The following CSMD1 variants were observed in gnomAD, a reference collection of about 807,000 sequenced individuals.
CSMD1 encodes the protein CUB and Sushi multiple domains 1, also known as CUB and sushi domain-containing protein 1.
A neutral mutation model predicts 417.5 loss-of-function variants in CSMD1; 213 were observed. The ratio of observed to expected loss-of-function variants is 0.51; its 90% CI spans 0.46 to 0.57. The LOEUF is 0.57. Among genes scored for constraint, CSMD1 ranks in the 20% least tolerant of loss-of-function variants. The probability of loss-of-function intolerance (pLI) is 0.00; values close to 1 mark genes in which losing one functional copy is unlikely to be tolerated. For missense variants in CSMD1, 6,923 were observed against 4,529.7 expected (o/e 1.53, Z -15.17); for synonymous variants, 2,862 against 1,736.8 (o/e 1.65, Z -16.11).
At chr8:3,816,762 G>A (rs182153076) in intron 5 of CSMD1, among the ~76,000 whole-genome samples, 1 of 152,118 alleles carries the variant, frequency 6.6e-6, no homozygotes, top group East Asian at 1.9e-4. Flanking sequence ...CATACCTAAT[G>A]TGTGTCAATA....
chr8:4,297,080 G>C (rs781019074), intron 3 of CSMD1, among the ~76,000 whole-genome samples: 3 of 14,582 alleles, frequency 2.1e-4, no homozygotes, highest in African/African-American at 5.0e-4. Flanking sequence ...ATAGGTTGAA[G>C]AGCTTGGGGA....
intron 5 of CSMD1, among the ~76,000 whole-genome samples, chr8:3,774,257 T>C (rs375265494): frequency 1.3e-5 from 2 of 152,290 alleles, no homozygotes; most frequent in East Asian, 3.9e-4. Context: ...CTGTAAATTC[T>C]TACAGATTGC....
intron 10 of CSMD1, among the ~76,000 whole-genome samples, chr8:3,527,444 TAC>T (rs1797799041): frequency 6.6e-6 from 1 of 152,160 alleles, no homozygotes; most frequent in South Asian, 2.1e-4. Flanking sequence ...TGCTAAAGAT[TAC>T]AGTCTGTGTG....
intron 7 of CSMD1, among the ~76,000 whole-genome samples, chr8:3,625,919 G>C (rs1349749107): frequency 6.6e-5 from 10 of 152,136 alleles, no homozygotes; most frequent in African/African-American, 1.2e-4. Context: ...AGCAGTAAAT[G>C]TTCAAAGAGA....
At chr8:3,239,812 G>C (rs1446030365) in intron 26 of CSMD1, among the ~76,000 whole-genome samples, 13 of 152,256 alleles carry the variant, frequency 8.5e-5, no homozygotes, top group Non-Finnish European at 2.9e-5. Context: ...ATGGGGAAAT[G>C]GGGTGAATGT....
chr8:4,339,966 G>C (rs1800384476), intron 3 of CSMD1, among the ~76,000 whole-genome samples: 2 of 152,202 alleles, frequency 1.3e-5, no homozygotes, highest in South Asian at 4.1e-4. Context: ...TGGAGGTTCA[G>C]TGAGCGGTGA....
chr8:3,033,899 G>T (rs192087561), intron 50 of CSMD1, among the ~76,000 whole-genome samples: 4 of 152,348 alleles, frequency 2.6e-5, no homozygotes, highest in African/African-American at 9.6e-5. Context: ...CTCAACTCAA[G>T]AGGATGTGGT....
chr8:3,808,205 G>C (rs1047917438), intron 5 of CSMD1, among the ~76,000 whole-genome samples: 3 of 152,108 alleles, frequency 2.0e-5, no homozygotes, highest in Non-Finnish European at 2.9e-5. Flanking sequence ...AAAAACATCT[G>C]TGATCTAAAA....
At chr8:4,710,267 T>C (rs192817542) in intron 1 of CSMD1, among the ~76,000 whole-genome samples, 1 of 151,988 alleles carries the variant, frequency 6.6e-6, no homozygotes, top group Admixed American at 6.6e-5. Flanking sequence ...ACACATTTTA[T>C]ATACATTTGC....
rs1208308518 is a variant in CSMD1 at position 3,148,747 on chromosome 8, GCAT to G, written c.6031+2647_6031+2649del. ...GCCCTAGAAAGAACTCCTACCAGGG[GCAT>G]CATAATTCCAAATGTTGACCACGTT... is the stretch of plus-strand genomic sequence containing the variant. On this transcript the variant is annotated intron_variant, in intron 40 of 69. Transcript: ENST00000635120. Among the ~76,000 whole-genome samples, 8 of 152,282 alleles carry G rather than the reference GCAT, an allele frequency of 5.3e-5. No individual in the cohort carries two copies. The East Asian group carries it at 1.5e-3, about 29-fold the overall frequency.
chr8:4,993,679 G>C (rs1460040680), intron 1 of CSMD1, among the ~76,000 whole-genome samples: 4 of 152,176 alleles, frequency 2.6e-5, no homozygotes, highest in Non-Finnish European at 4.4e-5. Flanking sequence ...CCTGTTTCAC[G>C]CACCTTGCCA....
intron 7 of CSMD1, among the ~76,000 whole-genome samples, chr8:3,669,898 T>A (rs1457447152): frequency 6.6e-6 from 1 of 152,154 alleles, no homozygotes; most frequent in Non-Finnish European, 1.5e-5. Context: ...TCCTTCTTCT[T>A]TCTTAACATT....
At chr8:4,884,571 G>C (rs772296842) in intron 1 of CSMD1, among the ~76,000 whole-genome samples, 6 of 151,860 alleles carry the variant, frequency 4.0e-5, no homozygotes, top group African/African-American at 1.2e-4. Flanking sequence ...ATTGGGCTTC[G>C]ACTTCATCAC....
At chr8:4,722,004 T>G (rs1012979822) in intron 1 of CSMD1, among the ~76,000 whole-genome samples, 1 of 152,164 alleles carries the variant, frequency 6.6e-6, no homozygotes, top group Non-Finnish European at 1.5e-5. Context: ...CGATGGTTAT[T>G]GGAGTGGGCT....
chr8:3,852,727 G>A (rs937353220), intron 5 of CSMD1, among the ~76,000 whole-genome samples: 1 of 151,862 alleles, frequency 6.6e-6, no homozygotes, highest in African/African-American at 2.4e-5. Flanking sequence ...AGAGATGGAG[G>A]GTCAGGTAAG....
intron 1 of CSMD1, among the ~76,000 whole-genome samples, chr8:4,903,206 A>G (rs1805011441): frequency 6.6e-6 from 1 of 152,130 alleles, no homozygotes; most frequent in East Asian, 1.9e-4. Flanking sequence ...GTTTTAAAAC[A>G]GTGCTTCTCT....
rs565956400 is a variant in CSMD1, at chr8:4,294,888, A to G, written c.415+125065T>C. ...TGTCTTTGCCCTTTTAGTAGCTGTC[A>G]ATGTGTATGGAACGAAAGCCTCAGG... On this transcript the variant is annotated intron_variant, in intron 3 of 69. Coordinates refer to ENST00000635120, the MANE Select transcript of CSMD1 (RefSeq NM_033225.6). Among the ~76,000 whole-genome samples the G allele has an allele frequency of 2.9e-4, 44 of 151,960 alleles. 1 individual carries two copies. The highest frequency in any genetic ancestry group is 1.6e-3 in the Admixed American group (25 of 15,244).
At chr8:4,842,266 G>A (rs936450254) in intron 1 of CSMD1, among the ~76,000 whole-genome samples, 1 of 152,184 alleles carries the variant, frequency 6.6e-6, no homozygotes, top group Non-Finnish European at 1.5e-5. Context: ...ATATAAATAT[G>A]AATCTTCCAG....
intron 3 of CSMD1, among the ~76,000 whole-genome samples, chr8:4,262,383 T>C (rs1585119373): frequency 6.6e-6 from 1 of 152,162 alleles, no homozygotes; most frequent in African/African-American, 2.4e-5. Flanking sequence ...CTGAAAGGAA[T>C]CCCAAACCAG....
Sources: gnomAD v4.1 joint callset for allele counts (sites outside exome capture counted in the v4.1 genomes callset) on GRCh38, gnomAD v4.1.1 for gene constraint, MANE v1.5 for transcripts, NCBI Gene and HGNC (gene_info 2026-07-23, HGNC 2026-07-21) for gene names.